Variants in KCNK1 observed in about 807,000 individuals in gnomAD.
KCNK1 encodes potassium channel subfamily K member 1.
Under a neutral mutation model 22.2 loss-of-function variants are expected in KCNK1, and 10 were observed. The observed-to-expected ratio is 0.45, with a 90% CI of 0.28 to 0.76. KCNK1 has a LOEUF of 0.76. KCNK1 is among the 30% of genes least tolerant of loss of function. The probability of loss-of-function intolerance (pLI) is 0.14; values close to 1 mark genes in which losing one functional copy is unlikely to be tolerated. For synonymous variants in KCNK1, 200 were observed against 186.4 expected, an observed-to-expected ratio of 1.07 and a Z score of -0.60; for missense variants, 378 against 421.0, an observed-to-expected ratio of 0.90 and a Z score of 0.89.
chr1:233,625,946 C>G (rs1657681653), intron 1 of KCNK1, among the ~76,000 whole-genome samples: 1 of 151,996 alleles, frequency 6.6e-6, no homozygotes, highest in African/African-American at 2.4e-5. Flanking sequence ...ATGTCCTAGG[C>G]CACTGCAAAA....
chr1:233,654,246 A>C (rs1006587063), intron 1 of KCNK1, among the ~76,000 whole-genome samples: 8 of 152,192 alleles, frequency 5.3e-5, no homozygotes, highest in African/African-American at 1.9e-4. Flanking sequence ...TACCTAATGC[A>C]TGCAGGGCTT....
chr1:233,669,350 TA>T (rs1476336081), intron 2 of KCNK1, among the ~76,000 whole-genome samples: 1 of 152,222 alleles, frequency 6.6e-6, no homozygotes, highest in Non-Finnish European at 1.5e-5. Context: ...AATCCTTGCA[TA>T]ACATTTTATC....
intron 1 of KCNK1, among the ~76,000 whole-genome samples, chr1:233,662,235 T>C (rs1230272689): frequency 8.5e-5 from 10 of 118,278 alleles, no homozygotes; most frequent in African/African-American, 1.6e-4. Flanking sequence ...TTCTTCTTCT[T>C]CTCCTTCTTC....
At position 233,669,960 on chromosome 1, in the gene KCNK1, GTTAA is replaced by G. The variant is rs544958017; in HGVS notation, c.752-1307_752-1304del. ...AGATACTAAAACTTTGTATTCTGTG[GTTAA>G]TTAGTTTCCTTATTCCTGTTATGCT... On this transcript the variant is annotated intron_variant, in intron 2 of 2. Transcript: ENST00000366621. Among the ~76,000 whole-genome samples, 555 of 152,240 alleles carry G rather than the reference GTTAA, an allele frequency of 3.6e-3. 10 individuals are homozygous for G. Among genetic ancestry groups the G allele is most frequent in the Non-Finnish European group, 1.7e-3 (115 of 68,008 alleles).
chr1:233,623,742 C>A (rs1657633729), intron 1 of KCNK1, among the ~76,000 whole-genome samples: 2 of 152,126 alleles, frequency 1.3e-5, no homozygotes, highest in Admixed American at 1.3e-4. Context: ...GCGCATGCCA[C>A]CATGCCCGGC....
At chr1:233,618,652 G>A (rs1056414763) in intron 1 of KCNK1, among the ~76,000 whole-genome samples, 3 of 152,158 alleles carry the variant, frequency 2.0e-5, no homozygotes, top group African/African-American at 7.2e-5. Flanking sequence ...TTGGGAGGCC[G>A]AGGCAGGCAG....
At chr1:233,654,615 A>G (rs1328283718) in intron 1 of KCNK1, among the ~76,000 whole-genome samples, 1 of 152,210 alleles carries the variant, frequency 6.6e-6, no homozygotes, top group Non-Finnish European at 1.5e-5. Context: ...CCCTAGCCAT[A>G]TTATGAAGAA....
At chr1:233,624,816 A>G (rs1243264492) in intron 1 of KCNK1, among the ~76,000 whole-genome samples, 1 of 152,122 alleles carries the variant, frequency 6.6e-6, no homozygotes, top group Non-Finnish European at 1.5e-5. Context: ...AGAGGCATTC[A>G]TTCCTCTCTG....
At chr1:233,662,238 C>CCTTCTTCTTCTTCTTCTTCTT (rs147341553) in intron 1 of KCNK1, among the ~76,000 whole-genome samples, 33 of 149,572 alleles carry the variant, frequency 2.2e-4, no homozygotes, top group Middle Eastern at 3.4e-3. Flanking sequence ...TTCTTCTTCT[C>CCTTCTTCTTCTTCTTCTTCTT]CTTCTTCTTC....
chr1:233,654,518 A>G (rs1658255270), intron 1 of KCNK1, among the ~76,000 whole-genome samples: 1 of 152,190 alleles, frequency 6.6e-6, no homozygotes, highest in South Asian at 2.1e-4. Flanking sequence ...TTGACAGCCT[A>G]CATTAAAATG....
In KCNK1 at chr1:233,614,139, G is replaced by T. The variant is rs769124996; in HGVS notation, c.-33G>T. 8.0e-7 allele frequency: 1 copy of T among 1,257,782 alleles called. No homozygotes were observed. The highest frequency in any genetic ancestry group is 1.0e-6 in the Non-Finnish European group (1 of 977,262). 77.9% of individuals were successfully genotyped at this position (1,257,782 alleles called of 1,614,324 possible). A position where few individuals can be genotyped will look rare whatever the true frequency, so the allele number is the denominator to read the frequency against. On this transcript the variant is annotated 5_prime_UTR_variant, in exon 1 of 3. Coordinates refer to ENST00000366621, the MANE Select transcript of KCNK1 (RefSeq NM_002245.4). Reference sequence around the variant, plus strand: ...CGGCGGGCCGCGCTCCGGCCGGTCTGCGGCGTTGGCCTTGGCGGCGGCGGT... The same window carrying T: ...CGGCGGGCCGCGCTCCGGCCGGTCTTCGGCGTTGGCCTTGGCGGCGGCGGT...
intron 1 of KCNK1, among the ~76,000 whole-genome samples, chr1:233,657,711 A>G (rs1241867705): frequency 2.6e-5 from 4 of 152,146 alleles, no homozygotes; most frequent in Non-Finnish European, 4.4e-5. Flanking sequence ...AAATAAAGAA[A>G]GAAAGAGAGA....
intron 1 of KCNK1, among the ~76,000 whole-genome samples, chr1:233,625,187 GA>G: frequency 6.6e-6 from 1 of 152,130 alleles, no homozygotes; most frequent in Non-Finnish European, 1.5e-5. Flanking sequence ...GACCAAAAGG[GA>G]ATGATCTAAA....
At chr1:233,649,258 A>G (rs948379120) in intron 1 of KCNK1, among the ~76,000 whole-genome samples, 1 of 152,318 alleles carries the variant, frequency 6.6e-6, no homozygotes, top group Non-Finnish European at 1.5e-5. Flanking sequence ...TCTAACTAGA[A>G]ATCCACTTTC....
intron 1 of KCNK1, among the ~76,000 whole-genome samples, chr1:233,641,022 T>G (rs1657990873): frequency 6.6e-6 from 1 of 152,212 alleles, no homozygotes. Flanking sequence ...GCTCTACTTT[T>G]CTCATAGGCG....
chr1:233,626,843 G>A (rs147288658), intron 1 of KCNK1, among the ~76,000 whole-genome samples: 19 of 151,992 alleles, frequency 1.3e-4, no homozygotes, highest in Non-Finnish European at 1.3e-4. Context: ...TTAACAGTAG[G>A]ATATTTAGTA....
intron 1 of KCNK1, among the ~76,000 whole-genome samples, chr1:233,638,748 G>A (rs1333026904): frequency 6.6e-6 from 1 of 152,194 alleles, no homozygotes; most frequent in Non-Finnish European, 1.5e-5. Context: ...GCATCCATGG[G>A]CTCGATGACT....
At chr1:233,663,908 T>C (rs1658444004) in intron 1 of KCNK1, among the ~76,000 whole-genome samples, 1 of 152,088 alleles carries the variant, frequency 6.6e-6, no homozygotes, top group African/African-American at 2.4e-5. Flanking sequence ...CTCAGCTCAC[T>C]GCAAGCTCCG....
At chr1:233,638,745 T>C (rs190379849) in intron 1 of KCNK1, among the ~76,000 whole-genome samples, 15 of 152,300 alleles carry the variant, frequency 9.8e-5, no homozygotes, top group Admixed American at 2.0e-4. Context: ...TCTGCATCCA[T>C]GGGCTCGATG....
Sources: allele counts gnomAD v4.1 joint callset (sites outside exome capture counted in the v4.1 genomes callset), GRCh38; gene constraint gnomAD v4.1.1; transcripts MANE v1.5; gene names NCBI Gene and HGNC (gene_info 2026-07-23, HGNC 2026-07-21).